Variants in SCN11A observed in about 807,000 individuals in gnomAD.
SCN11A encodes sodium voltage-gated channel alpha subunit 11.
SCN11A carries 122 observed loss-of-function variants against 162.2 expected under a neutral mutation model. The observed-to-expected ratio is 0.75, with a 90% CI of 0.65 to 0.87. The LOEUF is 0.87. Among genes scored for constraint, SCN11A ranks in the 40% least tolerant of loss-of-function variants. The pLI is 0.00. For synonymous variants in SCN11A, 758 were observed against 751.5 expected (o/e 1.01, Z -0.14); for missense variants, 2,015 against 2,181.6 (o/e 0.92, Z 1.52).
intron 2 of SCN11A, among the ~76,000 whole-genome samples, chr3:38,962,126 C>A (rs1195825208): frequency 6.6e-6 from 1 of 152,194 alleles, no homozygotes; most frequent in African/African-American, 2.4e-5. Context: ...AAAAGGCTGT[C>A]CTTTCCCCAC....
At chr3:38,935,085 C>T (rs374449439) in intron 7 of SCN11A, among the ~76,000 whole-genome samples, 13 of 152,142 alleles carry the variant, frequency 8.5e-5, no homozygotes, top group Middle Eastern at 3.4e-3. Context: ...CACTCAAAAC[C>T]GCTCAACTAC....
intron 7 of SCN11A, among the ~76,000 whole-genome samples, chr3:38,940,189 G>C: frequency 6.6e-6 from 1 of 151,858 alleles, no homozygotes; most frequent in East Asian, 1.9e-4. Flanking sequence ...AATTGTGGAA[G>C]ATCTGTATGA....
chr3:39,010,080 G>A (rs141993782), intron 2 of SCN11A, among the ~76,000 whole-genome samples: 17 of 152,048 alleles, frequency 1.1e-4, no homozygotes, highest in African/African-American at 3.1e-4. Context: ...CTAGTTAAAC[G>A]GAAGTTGTCA....
chr3:38,932,885 C>G (rs1404560515), intron 7 of SCN11A, among the ~76,000 whole-genome samples: 5 of 151,642 alleles, frequency 3.3e-5, no homozygotes, highest in Admixed American at 6.6e-5. Flanking sequence ...CTCCCAGCAC[C>G]CAGCTGGAGA....
At chr3:39,047,057 CA>C (rs1238083445) in intron 1 of SCN11A, among the ~76,000 whole-genome samples, 67 of 100,688 alleles carry the variant, frequency 6.7e-4, no homozygotes, top group Middle Eastern at 4.8e-3. Context: ...CCCCCACCCC[CA>C]CCCCCACCCC....
intron 6 of SCN11A, 88 bp from the exon 7 acceptor site, chr3:38,945,600 C>T: frequency 1.3e-6 from 1 of 767,918 alleles, no homozygotes; most frequent in Non-Finnish European, 2.0e-6. Flanking sequence ...CTGATGGTCC[C>T]CTTTTCTGCA....
In SCN11A at chr3:38,946,958, A is replaced by C. The variant is rs1395591727; in HGVS notation, c.268-51T>G. ...GAAAACACACACATACACAACAGGA[A>C]TTAAATGCAGTGACAAAACAATATT... is the stretch of plus-strand genomic sequence containing the variant. On this transcript the variant is annotated intron_variant, in intron 5 of 29. Transcript: ENST00000302328. The C allele has an allele frequency of 5.8e-6, 6 of 1,026,886 alleles. No individual in the cohort carries two copies. In the African/African-American group the frequency reaches 8.1e-5, roughly 14 times the overall value. The allele number at this position is 1,026,886 out of a possible 1,614,324, so 63.6% of individuals were successfully genotyped here.
At chr3:38,974,158 A>G (rs1210993218) in intron 2 of SCN11A, among the ~76,000 whole-genome samples, 1 of 152,252 alleles carries the variant, frequency 6.6e-6, no homozygotes, top group Non-Finnish European at 1.5e-5. Flanking sequence ...TGAGGGTACA[A>G]GAGATCATAA....
intron 28 of SCN11A, among the ~76,000 whole-genome samples, chr3:38,853,076 ATGT>A (rs2064809138): frequency 6.6e-6 from 1 of 152,176 alleles, no homozygotes. Context: ...TCCTATGTTA[ATGT>A]TGTCTGCACC....
chr3:38,930,482 A>G (rs1187420697), intron 7 of SCN11A, among the ~76,000 whole-genome samples: 1 of 152,252 alleles, frequency 6.6e-6, no homozygotes, highest in Non-Finnish European at 1.5e-5. Context: ...TAAAAAGGCA[A>G]CATCTTTTAA....
At chr3:38,942,186 A>G (rs1411500361) in intron 7 of SCN11A, among the ~76,000 whole-genome samples, 1 of 152,172 alleles carries the variant, frequency 6.6e-6, no homozygotes, top group East Asian at 1.9e-4. Context: ...TGTACCTGAT[A>G]ATAGTGCTTC....
intron 19 of SCN11A, among the ~76,000 whole-genome samples, chr3:38,890,141 A>G (rs1221321572): frequency 2.6e-5 from 4 of 152,186 alleles, no homozygotes. Flanking sequence ...GCGGCAGCCC[A>G]AGAATACTAG....
chr3:38,924,667 C>G (rs1056654712), intron 9 of SCN11A, among the ~76,000 whole-genome samples: 2 of 152,132 alleles, frequency 1.3e-5, no homozygotes, highest in Admixed American at 1.3e-4. Flanking sequence ...GCCACTGCAC[C>G]TGGCCTTAAC....
At chr3:39,014,457 G>A (rs1404937478) in intron 2 of SCN11A, among the ~76,000 whole-genome samples, 2 of 152,160 alleles carry the variant, frequency 1.3e-5, no homozygotes, top group African/African-American at 4.8e-5. Flanking sequence ...TGCCAGGAGA[G>A]AAAATGAAAC....
chr3:38,850,689 TATG>T lies in SCN11A; in HGVS notation c.4116_4118del (p.Ile1373del). The T allele has an allele frequency of 6.2e-7, 1 of 1,613,426 alleles. No homozygotes were observed. The highest frequency in any genetic ancestry group is 1.1e-5 in the South Asian group (1 of 91,042). ...TAATCATGTTTAGGATAATGAGACT[TATG>T]ATGATGATGTCAAAGATCTGGCTTG... On this transcript the variant is annotated inframe_deletion, in exon 29 of 30. Transcript: ENST00000302328.
chr3:38,868,318 T>C (rs2065073502), intron 26 of SCN11A, among the ~76,000 whole-genome samples: 1 of 152,238 alleles, frequency 6.6e-6, no homozygotes, highest in African/African-American at 2.4e-5. Context: ...ATTTCTCTCT[T>C]TTGCTATGAA....
Position 38,960,369 on chromosome 3 carries a change from G to C in SCN11A, c.-225C>G, listed in dbSNP as rs187663041. Among the ~76,000 whole-genome samples, 2 of 152,286 alleles carry C rather than the reference G, an allele frequency of 1.3e-5. No homozygotes were observed. The highest frequency in any genetic ancestry group is 3.9e-4 in the East Asian group (2 of 5,174). ...CAGAGCAAGTCTCTCAGCAGAGTTCGAGCTTCTGCTCCTGGCAGCTGCCTG... is the reference window on the plus strand; with the variant it reads ...CAGAGCAAGTCTCTCAGCAGAGTTCCAGCTTCTGCTCCTGGCAGCTGCCTG... On this transcript the variant is annotated 5_prime_UTR_variant, in exon 3 of 30. Coordinates refer to ENST00000302328, the MANE Select transcript of SCN11A (RefSeq NM_001349253.2).
intron 9 of SCN11A, 45 bp downstream of exon 9, chr3:38,925,370 A>T: frequency 2.4e-6 from 3 of 1,267,614 alleles, no homozygotes; most frequent in Non-Finnish European, 3.4e-6. Flanking sequence ...ATAAATTAAC[A>T]TTCTTTCTAG....
intron 2 of SCN11A, among the ~76,000 whole-genome samples, chr3:38,969,079 G>A (rs941292217): frequency 2.0e-5 from 3 of 152,292 alleles, no homozygotes; most frequent in African/African-American, 7.2e-5. Flanking sequence ...ACTTATTTGT[G>A]CAGGAGGGTG....
Sources: gnomAD v4.1 joint callset for allele counts (sites outside exome capture counted in the v4.1 genomes callset) on GRCh38, gnomAD v4.1.1 for gene constraint, MANE v1.5 for transcripts, NCBI Gene and HGNC (gene_info 2026-07-23, HGNC 2026-07-21) for gene names.